AUTS2: variants seen among roughly 807,000 people sequenced by gnomAD.
AUTS2 encodes activator of transcription and developmental regulator AUTS2.
AUTS2 carries 17 observed loss-of-function variants against 112.4 expected under a neutral mutation model. The observed-to-expected ratio is 0.15, with a 90% confidence interval of 0.10 to 0.23. The LOEUF (loss-of-function observed/expected upper bound fraction) is 0.23. Ranked by LOEUF, AUTS2 falls within the 10% of genes least tolerant of loss-of-function variation. The probability of loss-of-function intolerance (pLI) is 1.00; values close to 1 mark genes in which losing one functional copy is unlikely to be tolerated. For synonymous variants in AUTS2, 751 were observed against 702.7 expected, an observed-to-expected ratio of 1.07 and a Z score of -1.09; for missense variants, 1,510 against 1,701.6, an observed-to-expected ratio of 0.89 and a Z score of 1.98.
At chr7:70,419,473 G>A (rs951616622) in intron 4 of AUTS2, among the ~76,000 whole-genome samples, 1 of 152,122 alleles carries the variant, frequency 6.6e-6, no homozygotes, top group South Asian at 2.1e-4. Flanking sequence ...GGTTAAAAAC[G>A]TGAATATATG....
At chr7:70,697,477 G>C (rs1396062436) in intron 5 of AUTS2, among the ~76,000 whole-genome samples, 1 of 151,440 alleles carries the variant, frequency 6.6e-6, no homozygotes, top group Non-Finnish European at 1.5e-5. Flanking sequence ...ATCTTTGTCA[G>C]TATTACATGG....
intron 1 of AUTS2, among the ~76,000 whole-genome samples, chr7:69,894,741 A>AT (rs1217096659): frequency 6.6e-6 from 1 of 151,772 alleles, no homozygotes; most frequent in Non-Finnish European, 1.5e-5. Flanking sequence ...TTTTGTTTCT[A>AT]TTTTTCAAGT....
intron 5 of AUTS2, among the ~76,000 whole-genome samples, chr7:70,659,497 G>T (rs1190273898): frequency 6.6e-6 from 1 of 152,124 alleles, no homozygotes; most frequent in Non-Finnish European, 1.5e-5. Flanking sequence ...CTGGCCATGT[G>T]ACCCCGGGCA....
At chr7:69,690,242 A>G (rs1037461677) in intron 1 of AUTS2, among the ~76,000 whole-genome samples, 3 of 152,222 alleles carry the variant, frequency 2.0e-5, no homozygotes, top group Admixed American at 6.5e-5. Context: ...TACTGTTTTC[A>G]TGGAGTATCC....
At chr7:69,974,984 A>T (rs944229852) in intron 2 of AUTS2, among the ~76,000 whole-genome samples, 14 of 151,588 alleles carry the variant, frequency 9.2e-5, no homozygotes, top group South Asian at 2.1e-4. Flanking sequence ...ATTTTTTTTT[A>T]AAAATAGAAC....
At chr7:70,011,593 T>G (rs890613251) in intron 2 of AUTS2, among the ~76,000 whole-genome samples, 3 of 151,976 alleles carry the variant, frequency 2.0e-5, no homozygotes, top group Non-Finnish European at 2.9e-5. Context: ...ACCAAGAGGG[T>G]CCTGAGCCCC....
intron 5 of AUTS2, among the ~76,000 whole-genome samples, chr7:70,690,789 C>T (rs1005330009): frequency 1.3e-5 from 2 of 152,082 alleles, no homozygotes; most frequent in Admixed American, 6.6e-5. Flanking sequence ...ATAGGAAGAC[C>T]TTGTCTGTAC....
intron 8 of AUTS2, 122 bp from the exon 9 acceptor site, chr7:70,765,992 C>A: frequency 6.8e-7 from 1 of 1,468,502 alleles, no homozygotes. Context: ...TATCTCAGGG[C>A]CCAGCCACAC....
chr7:69,600,014 G>T (rs749999203), intron 1 of AUTS2, 52 bp downstream of exon 1: 1 of 1,581,878 alleles, frequency 6.3e-7, no homozygotes, highest in South Asian at 1.1e-5. Flanking sequence ...ACCCCACTCG[G>T]CTGCGCCCGG....
chr7:70,513,368 A>T (rs1401784055), intron 5 of AUTS2, among the ~76,000 whole-genome samples: 1 of 152,230 alleles, frequency 6.6e-6, no homozygotes, highest in South Asian at 2.1e-4. Flanking sequence ...CACAGCCTCC[A>T]TAAGTGGTAC....
chr7:70,492,756 C>T (rs910278215), intron 5 of AUTS2, among the ~76,000 whole-genome samples: 1 of 152,126 alleles, frequency 6.6e-6, no homozygotes, highest in East Asian at 1.9e-4. Context: ...CTTGGCAAGA[C>T]GAAAGGCCTT....
intron 2 of AUTS2, among the ~76,000 whole-genome samples, chr7:70,030,183 T>G (rs1200727092): frequency 6.6e-6 from 1 of 152,172 alleles, no homozygotes; most frequent in Admixed American, 6.6e-5. Context: ...GGATAAGGCC[T>G]CCCTATCTGC....
intron 5 of AUTS2, among the ~76,000 whole-genome samples, chr7:70,547,350 G>A (rs1800831190): frequency 6.6e-6 from 1 of 152,164 alleles, no homozygotes; most frequent in African/African-American, 2.4e-5. Flanking sequence ...CGCCTCCCGG[G>A]GTCAAGCGAT....
rs566362292 is a variant in AUTS2, at chr7:70,282,468, T to C, written c.660+147897T>C. ...CTGTCTTGTGAGGCCTAGTTTCTGG[T>C]TGTAGATGGCACCTTCTAGCTGTGT... is the stretch of plus-strand genomic sequence containing the variant. On this transcript the variant is annotated intron_variant, in intron 4 of 18. Transcript: ENST00000342771. 1.1e-4 allele frequency among the ~76,000 whole-genome samples: 16 copies of C among 152,266 alleles called. No individual in the cohort carries two copies. The South Asian group carries it at 3.3e-3, about 32-fold the overall frequency.
chr7:70,629,676 G>T (rs1805156399), intron 5 of AUTS2, among the ~76,000 whole-genome samples: 1 of 151,962 alleles, frequency 6.6e-6, no homozygotes, highest in Non-Finnish European at 1.5e-5. Context: ...AGCTGACCCT[G>T]GATTTACTTA....
At chr7:70,129,222 G>A (rs1806139817) in intron 3 of AUTS2, among the ~76,000 whole-genome samples, 1 of 152,152 alleles carries the variant, frequency 6.6e-6, no homozygotes, top group African/African-American at 2.4e-5. Flanking sequence ...TGAAACTCTT[G>A]AAGAGCTGAT....
intron 2 of AUTS2, among the ~76,000 whole-genome samples, chr7:70,024,956 T>A (rs1416381564): frequency 6.6e-6 from 1 of 152,256 alleles, no homozygotes; most frequent in Non-Finnish European, 1.5e-5. Flanking sequence ...ATTAACTGGC[T>A]GCCTGCTATT....
chr7:70,301,790 TTC>T (rs1436627987), intron 4 of AUTS2, among the ~76,000 whole-genome samples: 1 of 152,104 alleles, frequency 6.6e-6, no homozygotes, highest in African/African-American at 2.4e-5. Context: ...TAGAGACAAG[TTC>T]TCGCCCTGTC....
In AUTS2 at chr7:70,581,861, A is replaced by C. The variant is rs573547194; in HGVS notation, c.691-116708A>C. On this transcript the variant is annotated intron_variant, in intron 5 of 18. Transcript: ENST00000342771. ...AATTCCTTTACATTTTGTATTGTTC[A>C]CACAGTAAAAATGTCTATTTTACCA... Among the ~76,000 whole-genome samples the C allele has an allele frequency of 3.9e-5, 6 of 152,248 alleles. No individual in the cohort carries two copies. The Middle Eastern group carries it at 0.01, about 259-fold the overall frequency.
Sources: gnomAD v4.1 joint callset for allele counts (sites outside exome capture counted in the v4.1 genomes callset) on GRCh38, gnomAD v4.1.1 for gene constraint, MANE v1.5 for transcripts, NCBI Gene and HGNC (gene_info 2026-07-23, HGNC 2026-07-21) for gene names.